The following TMEM114 variants were observed in gnomAD, a reference collection of about 807,000 sequenced individuals.
TMEM114 encodes claudin-26.
Under a neutral mutation model 6.2 loss-of-function variants are expected in TMEM114, and 6 were observed. The observed-to-expected ratio is 0.97, with a 90% CI of 0.53 to 1.91. The LOEUF (loss-of-function observed/expected upper bound fraction) is 1.91. Among genes scored for constraint, TMEM114 ranks in the 40% most tolerant of loss-of-function variants. TMEM114 has a pLI of 0.01. For missense variants in TMEM114, 218 were observed against 158.3 expected, an observed-to-expected ratio of 1.38 and a Z score of -2.02; for synonymous variants, 104 against 73.0, an observed-to-expected ratio of 1.42 and a Z score of -2.16.
intron 2 of TMEM114, among the ~76,000 whole-genome samples, chr16:8,574,566 T>C (rs202118649): frequency 5.0e-5 from 5 of 100,600 alleles, no homozygotes; most frequent in African/African-American, 2.4e-4. Context: ...TCTTTCTTTC[T>C]TTCTTTCCTT....
At chr16:8,531,922 A>G in the TMEM114 span, 88,634 of 152,100 alleles carry the variant, frequency 0.58, 25,839 homozygotes, top group South Asian at 0.68. Context: ...ATGAGATAGG[A>G]AACCTACCTC....
At chr16:8,535,601 T>C (rs1453774355), downstream of TMEM114, among the ~76,000 whole-genome samples, 3 of 152,202 alleles carry the variant, frequency 2.0e-5, no homozygotes, top group East Asian at 3.8e-4. Flanking sequence ...ATGAAATATA[T>C]CATTTGTCAA....
intron 2 of TMEM114, among the ~76,000 whole-genome samples, chr16:8,538,690 T>G (rs1900432216): frequency 6.6e-6 from 1 of 152,058 alleles, no homozygotes; most frequent in Non-Finnish European, 1.5e-5. Context: ...GTATTTTTAG[T>G]AGAGATGGGG....
At chr16:8,562,054 GAATGAGTGAGTA>G (rs1437707328) in intron 2 of TMEM114, among the ~76,000 whole-genome samples, 4 of 151,814 alleles carry the variant, frequency 2.6e-5, no homozygotes, top group Admixed American at 1.3e-4. Flanking sequence ...GTGAGTGAGT[GAATGAGTGAGTA>G]AATGAGTGAG....
intron 2 of TMEM114, among the ~76,000 whole-genome samples, chr16:8,585,037 A>G (rs1596315041): frequency 2.0e-5 from 3 of 152,264 alleles, no homozygotes; most frequent in East Asian, 3.9e-4. Context: ...ACAGTTCCAC[A>G]TGGCTGGGGA....
intron 2 of TMEM114, among the ~76,000 whole-genome samples, chr16:8,556,117 A>G (rs557130587): frequency 1.3e-5 from 2 of 152,300 alleles, no homozygotes; most frequent in South Asian, 2.1e-4. Context: ...TTCTTCCTGC[A>G]TCCATCACTC....
intron 2 of TMEM114, among the ~76,000 whole-genome samples, chr16:8,554,219 G>A (rs1229029932): frequency 6.6e-6 from 1 of 151,350 alleles, no homozygotes; most frequent in Non-Finnish European, 1.5e-5. Context: ...TTTATTCACT[G>A]CCTGGGCCCT....
chr16:8,575,693 G>T (rs986432666), intron 2 of TMEM114, among the ~76,000 whole-genome samples: 2 of 152,320 alleles, frequency 1.3e-5, no homozygotes, highest in African/African-American at 4.8e-5. Flanking sequence ...CTAAGAGTAT[G>T]CACTTTACAG....
chr16:8,527,583 C>A, the TMEM114 span, among the ~76,000 whole-genome samples: 30 of 152,148 alleles, frequency 2.0e-4, no homozygotes, highest in Admixed American at 7.2e-4. Flanking sequence ...TTTAGCCAGA[C>A]TGCATTGAAA....
Position 8,589,889 on chromosome 16 carries a change from C to G in TMEM114, c.-51G>C. The G allele has an allele frequency of 2.5e-6, 1 of 394,398 alleles. No homozygotes were observed. The highest frequency in any genetic ancestry group is 4.4e-5 in the Admixed American group (1 of 22,562). 24.4% of individuals were successfully genotyped at this position (394,398 alleles called of 1,614,324 possible). ...GGGTTCCAGTGGCCGCGGCGCGACC[C>G]CTCTGCTCCTGCCCCCGTCCCCAGC... On this transcript the variant is annotated 5_prime_UTR_variant, in exon 1 of 4. Transcript: ENST00000620492.
intron 2 of TMEM114, among the ~76,000 whole-genome samples, chr16:8,560,030 T>C (rs1901147732): frequency 6.6e-6 from 1 of 152,198 alleles, no homozygotes; most frequent in African/African-American, 2.4e-5. Flanking sequence ...AGGGTCTCAC[T>C]CTGTTACCCA....
chr16:8,548,751 T>C (rs548733387), intron 2 of TMEM114, among the ~76,000 whole-genome samples: 1 of 145,714 alleles, frequency 6.9e-6, no homozygotes, highest in East Asian at 1.9e-4. Flanking sequence ...TTGTTTTACT[T>C]TAACTGACAG....
intron 2 of TMEM114, among the ~76,000 whole-genome samples, chr16:8,554,889 G>T (rs912288778): frequency 6.6e-6 from 1 of 152,178 alleles, no homozygotes; most frequent in African/African-American, 2.4e-5. Flanking sequence ...TTTGTCCTTC[G>T]TACCACAGCT....
At chr16:8,568,437 T>A (rs1366070213), downstream of TMEM114, among the ~76,000 whole-genome samples, 2 of 151,584 alleles carry the variant, frequency 1.3e-5, no homozygotes, top group African/African-American at 4.9e-5. Context: ...GTGGTGGTGA[T>A]GTCATGGCAT....
chr16:8,572,256 G>A, intron 2 of TMEM114, 32 bp from the exon 3 acceptor site: 2 of 1,551,376 alleles, frequency 1.3e-6, no homozygotes, highest in Non-Finnish European at 1.7e-6. Context: ...ACCAGGCAGA[G>A]GACAGTTACT....
At chr16:8,582,129 T>C (rs1325858636) in intron 2 of TMEM114, among the ~76,000 whole-genome samples, 1 of 152,176 alleles carries the variant, frequency 6.6e-6, no homozygotes, top group Admixed American at 6.5e-5. Flanking sequence ...CAACCTCGCC[T>C]CCTCAGAGGA....
chr16:8,564,374 TGAATGAGTGAGG>T (rs1249549837), intron 2 of TMEM114, among the ~76,000 whole-genome samples: 7 of 150,246 alleles, frequency 4.7e-5, no homozygotes, highest in Non-Finnish European at 1.0e-4. Flanking sequence ...AATGAGTCAG[TGAATGAGTGAGG>T]GAATGAGTGA....
At chr16:8,528,966 C>G in the TMEM114 span, among the ~76,000 whole-genome samples, 1 of 152,188 alleles carries the variant, frequency 6.6e-6, no homozygotes, top group South Asian at 2.1e-4. Flanking sequence ...CCCTGGCAGA[C>G]TCTAGATCTT....
At chr16:8,572,830 G>C (rs1182191066) in intron 2 of TMEM114, among the ~76,000 whole-genome samples, 2 of 152,180 alleles carry the variant, frequency 1.3e-5, no homozygotes, top group Non-Finnish European at 2.9e-5. Flanking sequence ...GGAAGAACTT[G>C]GGATTGGGGG....
Sources: allele counts gnomAD v4.1 joint callset (sites outside exome capture counted in the v4.1 genomes callset), GRCh38; gene constraint gnomAD v4.1.1; transcripts MANE v1.5; gene names NCBI Gene and HGNC (gene_info 2026-07-23, HGNC 2026-07-21).